Variants in SEC24A observed in about 807,000 individuals in gnomAD.
SEC24A encodes the protein SEC24 homolog A, COPII component, also known as protein transport protein Sec24A.
Under a neutral mutation model 129.4 loss-of-function variants are expected in SEC24A, and 93 were observed. That is an observed-to-expected ratio of 0.72 (90% CI 0.61 to 0.85). The LOEUF (loss-of-function observed/expected upper bound fraction) is 0.85, where lower values mean the gene tolerates loss of function less well. Among genes scored for constraint, SEC24A ranks in the 40% least tolerant of loss-of-function variants. The probability of loss-of-function intolerance (pLI) is 0.00; values close to 1 mark genes in which losing one functional copy is unlikely to be tolerated. For missense variants in SEC24A, 1,264 were observed against 1,307.4 expected, an observed-to-expected ratio of 0.97 and a Z score of 0.51; for synonymous variants, 460 against 467.3, an observed-to-expected ratio of 0.98 and a Z score of 0.20.
chr5:134,673,035 A>T (rs1032532674), intron 4 of SEC24A, among the ~76,000 whole-genome samples: 1 of 148,136 alleles, frequency 6.8e-6, no homozygotes, highest in African/African-American at 2.5e-5. Flanking sequence ...GAACCATCTC[A>T]CACGGCCCAT....
Position 134,663,393 on chromosome 5 carries a change from G to C in SEC24A, c.565+1807G>C, listed in dbSNP as rs112599293. On this transcript the variant is annotated intron_variant, in intron 2 of 22. Coordinates refer to ENST00000398844, the MANE Select transcript of SEC24A (RefSeq NM_021982.3). ...ATTTCCTAAAGTTCTGGGATTACAGGTGTGAGCCACCTAGCCAGGCCTGCA... is the reference window on the plus strand; with the variant it reads ...ATTTCCTAAAGTTCTGGGATTACAGCTGTGAGCCACCTAGCCAGGCCTGCA... Among the ~76,000 whole-genome samples, 779 of 152,272 alleles carry C rather than the reference G, an allele frequency of 5.1e-3. 6 individuals are homozygous for C. Among genetic ancestry groups the C allele is most frequent in the African/African-American group, 0.017 (711 of 41,560 alleles).
At position 134,727,752 on chromosome 5, in the gene SEC24A, G is replaced by A. The variant is rs1752790063; in HGVS notation, c.*2658G>A. On this transcript the variant is annotated 3_prime_UTR_variant, in exon 23 of 23. Transcript: ENST00000398844. ...TTAAATCTTGCTTCTCTGAAAAGTT[G>A]GAGACAAGATTTGTCTTCCTTTTTA... 1 of 151,898 alleles carries A rather than the reference G, an allele frequency of 6.6e-6. No homozygotes were observed. Among genetic ancestry groups the A allele is most frequent in the Non-Finnish European group, 1.5e-5 (1 of 67,952 alleles). 9.4% of individuals were successfully genotyped at this position (151,898 alleles called of 1,614,324 possible). A position where few individuals can be genotyped will look rare whatever the true frequency, so the allele number is the denominator to read the frequency against.
At chr5:134,692,783 T>A in intron 12 of SEC24A, 126 bp downstream of exon 12, 1 of 746,746 alleles carries the variant, frequency 1.3e-6, no homozygotes, top group Non-Finnish European at 2.3e-6. Flanking sequence ...ATTTTATATT[T>A]GCTCTTATAA....
intron 1 of SEC24A, among the ~76,000 whole-genome samples, chr5:134,649,792 A>C (rs1170189532): frequency 6.6e-6 from 1 of 152,200 alleles, no homozygotes; most frequent in African/African-American, 2.4e-5. Context: ...AACTCTCTGA[A>C]TCTCTGACAA....
At chr5:134,662,766 A>C (rs1427650765) in intron 2 of SEC24A, among the ~76,000 whole-genome samples, 1 of 152,162 alleles carries the variant, frequency 6.6e-6, no homozygotes, top group African/African-American at 2.4e-5. Flanking sequence ...TAGAGCTAAA[A>C]TCCTTCATGT....
intron 18 of SEC24A, among the ~76,000 whole-genome samples, chr5:134,713,874 C>CA (rs151183691): frequency 0.17 from 16,142 of 94,858 alleles, 1,082 homozygotes; most frequent in East Asian, 0.33. Flanking sequence ...ACTAAAAATA[C>CA]AAAAAAAAAA....
intron 1 of SEC24A, among the ~76,000 whole-genome samples, chr5:134,660,424 G>A (rs1389722841): frequency 1.3e-5 from 2 of 151,936 alleles, no homozygotes; most frequent in Non-Finnish European, 2.9e-5. Context: ...ATGAAACTAG[G>A]CCAGGACATC....
At chr5:134,671,710 GT>G in intron 3 of SEC24A, 98 bp from the exon 4 acceptor site, 1 of 706,300 alleles carries the variant, frequency 1.4e-6, no homozygotes. Flanking sequence ...ATTATTTGTT[GT>G]TTAGAAAATT....
intron 19 of SEC24A, among the ~76,000 whole-genome samples, chr5:134,716,616 G>A (rs1028948875): frequency 1.3e-5 from 2 of 151,652 alleles, no homozygotes; most frequent in African/African-American, 4.8e-5. Context: ...TGGCCAACAT[G>A]GCGAAACCCC....
chr5:134,700,427 A>G (rs1751971005), intron 15 of SEC24A, among the ~76,000 whole-genome samples: 1 of 151,746 alleles, frequency 6.6e-6, no homozygotes, highest in Non-Finnish European at 1.5e-5. Context: ...ACTTTGTTAC[A>G]CAGGCTGGTT....
At position 134,727,170 on chromosome 5, in the gene SEC24A, A is replaced by T. The variant is rs796459542; in HGVS notation, c.*2076A>T. On this transcript the variant is annotated 3_prime_UTR_variant, in exon 23 of 23. Coordinates refer to ENST00000398844, the MANE Select transcript of SEC24A (RefSeq NM_021982.3). ...TTTGATTCTTTTTTTTTCCCCCAAT[A>T]GGGCACTACCTGCCATATCATCTTG... 2.6e-5 allele frequency: 4 copies of T among 152,538 alleles called. No individual in the cohort carries two copies. Among genetic ancestry groups the T allele is most frequent in the African/African-American group, 9.6e-5 (4 of 41,534 alleles). The allele number at this position is 152,538 out of a possible 1,614,324, so 9.4% of individuals were successfully genotyped here.
At chr5:134,660,575 CTTT>C (rs551519421) in intron 1 of SEC24A, among the ~76,000 whole-genome samples, 10 of 139,264 alleles carry the variant, frequency 7.2e-5, no homozygotes, top group African/African-American at 7.9e-5. Flanking sequence ...TTTAGTCCAT[CTTT>C]TTTTTTTTTT....
chr5:134,663,380 T>C (rs867722351), intron 2 of SEC24A, among the ~76,000 whole-genome samples: 8 of 152,316 alleles, frequency 5.3e-5, no homozygotes, highest in Non-Finnish European at 1.0e-4. Context: ...TTCCTAAAGT[T>C]CTGGGATTAC....
intron 1 of SEC24A, among the ~76,000 whole-genome samples, chr5:134,657,272 C>T (rs896887074): frequency 3.3e-5 from 5 of 151,748 alleles, no homozygotes; most frequent in African/African-American, 1.2e-4. Flanking sequence ...TGGTCTCAAA[C>T]TCCTGGCCTC....
At chr5:134,656,263 T>G (rs1561799797) in intron 1 of SEC24A, among the ~76,000 whole-genome samples, 1 of 151,944 alleles carries the variant, frequency 6.6e-6, no homozygotes, top group Non-Finnish European at 1.5e-5. Context: ...TTTGTATTTT[T>G]AGAAGAGATG....
intron 15 of SEC24A, among the ~76,000 whole-genome samples, chr5:134,698,391 C>G (rs936620315): frequency 1.3e-5 from 2 of 152,104 alleles, no homozygotes; most frequent in South Asian, 2.1e-4. Flanking sequence ...ATCGCTTGAG[C>G]CCAGGAATTA....
Position 134,661,461 on chromosome 5 carries a change from C to T in SEC24A, c.440C>T (p.Ser147Leu), listed in dbSNP as rs1750458419. 1 of 1,614,224 alleles carries T rather than the reference C, an allele frequency of 6.2e-7. No individual in the cohort carries two copies. The highest frequency in any genetic ancestry group is 8.5e-7 in the Non-Finnish European group (1 of 1,180,036). ...NWQYNYPSTA[S>L]QTNHCPRASS... The stretch of plus-strand genomic sequence containing the variant: ...CAATATAACTATCCATCCACAGCCT[C>T]ACAAACAAACCATTGTCCTCGTGCA... The change falls in exon 2 of 23, where the codon TCA becomes TTA. Residue 147 changes from serine to leucine, a missense_variant. By Grantham distance (145) the Ser-to-Leu change is moderately radical. Transcript: ENST00000398844.
At chr5:134,689,690 G>C (rs1481989770) in intron 11 of SEC24A, among the ~76,000 whole-genome samples, 1 of 151,982 alleles carries the variant, frequency 6.6e-6, no homozygotes, top group Non-Finnish European at 1.5e-5. Context: ...GAACTCGGGA[G>C]GAGGCGGAGC....
chr5:134,705,233 A>G (rs1284979622), intron 16 of SEC24A, 94 bp from the exon 17 acceptor site: 9 of 899,416 alleles, frequency 1.0e-5, no homozygotes, highest in African/African-American at 1.7e-5. Context: ...GCACCACTGC[A>G]CCCAGCTAAG....
Sources: gnomAD v4.1 joint callset for allele counts (sites outside exome capture counted in the v4.1 genomes callset) on GRCh38, gnomAD v4.1.1 for gene constraint, MANE v1.5 for transcripts, NCBI Gene and HGNC (gene_info 2026-07-23, HGNC 2026-07-21) for gene names.